SETX: variants seen among roughly 807,000 people sequenced by gnomAD.
The protein encoded by SETX is helicase senataxin.
A neutral mutation model predicts 227.2 loss-of-function variants in SETX; 90 were observed. That is an observed-to-expected ratio of 0.40 (90% confidence interval 0.33 to 0.47). The LOEUF is 0.47. Among genes scored for constraint, SETX ranks in the 20% least tolerant of loss-of-function variants. The pLI is 0.91. For missense variants in SETX, 3,052 were observed against 3,181.5 expected, an observed-to-expected ratio of 0.96 and a Z score of 0.98; for synonymous variants, 1,210 against 1,113.2, an observed-to-expected ratio of 1.09 and a Z score of -1.73.
At chr9:132,351,326 T>C (rs946848218) in intron 2 of SETX, among the ~76,000 whole-genome samples, 6 of 152,228 alleles carry the variant, frequency 3.9e-5, no homozygotes, top group African/African-American at 1.4e-4. Flanking sequence ...GCAAATAAAA[T>C]GTTGCATACT....
chr9:132,312,644 G>A (rs1456180778), intron 10 of SETX, among the ~76,000 whole-genome samples: 1 of 152,194 alleles, frequency 6.6e-6, no homozygotes, highest in East Asian at 1.9e-4. Context: ...CAAGGGTTAT[G>A]CTATGGACAG....
rs779665311 is a variant in SETX, at chr9:132,327,099, T to C, written c.4499A>G (p.Gln1500Arg). Residue 1500 changes from glutamine (Q) to arginine (R), a missense_variant, in exon 10 of 26, where the codon CAA becomes CGA. Coordinates refer to ENST00000224140, the MANE Select transcript of SETX (RefSeq NM_015046.7). Reference sequence around the variant, plus strand: ...TAAATCCATATCTTCAGGATCATTTTGGGTTAAAAATAAGTTATCTTCCTC... The same window carrying C: ...TAAATCCATATCTTCAGGATCATTTCGGGTTAAAAATAAGTTATCTTCCTC... ...DAEEDNLFLT[Q>R]NDPEDMDLCS... 1 of 1,614,228 alleles carries C rather than the reference T, an allele frequency of 6.2e-7. No homozygotes were observed. The highest frequency in any genetic ancestry group is 1.1e-5 in the South Asian group (1 of 91,090).
intron 10 of SETX, among the ~76,000 whole-genome samples, chr9:132,313,670 T>C (rs1285124348): frequency 1.3e-5 from 2 of 152,142 alleles, no homozygotes; most frequent in East Asian, 3.8e-4. Context: ...GAGCTAGTAG[T>C]TTCACACTAA....
intron 20 of SETX, among the ~76,000 whole-genome samples, chr9:132,279,846 T>C (rs1843398054): frequency 6.6e-6 from 1 of 152,130 alleles, no homozygotes; most frequent in Non-Finnish European, 1.5e-5. Context: ...CATGGGAGGA[T>C]GTCCCTGATT....
chr9:132,355,374 T>G (rs1564173753), upstream of SETX, among the ~76,000 whole-genome samples: 1 of 152,224 alleles, frequency 6.6e-6, no homozygotes, highest in Non-Finnish European at 1.5e-5. Context: ...CTCAGGTGTC[T>G]CAGCGGATGT....
At chr9:132,346,204 C>A in intron 4 of SETX, 57 bp downstream of exon 4, 1 of 1,405,490 alleles carries the variant, frequency 7.1e-7, no homozygotes, top group South Asian at 1.2e-5. Context: ...AGCCTAAATT[C>A]TTATGGTACT....
chr9:132,351,851 G>T (rs1721744369), intron 2 of SETX, among the ~76,000 whole-genome samples: 1 of 152,122 alleles, frequency 6.6e-6, no homozygotes, highest in African/African-American at 2.4e-5. Context: ...AATGACAAAT[G>T]GGTGTGTCCA....
intron 10 of SETX, among the ~76,000 whole-genome samples, chr9:132,319,557 G>A (rs889607488): frequency 2.6e-5 from 4 of 151,980 alleles, no homozygotes; most frequent in East Asian, 1.9e-4. Flanking sequence ...CTCTTTCTTC[G>A]TTAAGACTCA....
In SETX at chr9:132,288,720, A is replaced by C. The variant is rs2274563; in HGVS notation, c.6107-69T>G. On this transcript the variant is annotated intron_variant, in intron 15 of 25. Transcript: ENST00000224140. ...GATCAATCCTGTCTCTATACATAGTATCTATATTTCTAAGTAAATATGTTA... is the reference window on the plus strand; with the variant it reads ...GATCAATCCTGTCTCTATACATAGTCTCTATATTTCTAAGTAAATATGTTA... 51,060 of 995,216 alleles carry C rather than the reference A, an allele frequency of 0.051. 2,317 individuals carry two copies. Among genetic ancestry groups the C allele is most frequent in the East Asian group, 0.25 (10,032 of 40,738 alleles). 61.6% of individuals were successfully genotyped at this position (995,216 alleles called of 1,614,324 possible). A position where few individuals can be genotyped will look rare whatever the true frequency, so the allele number is the denominator to read the frequency against.
At chr9:132,315,387 C>G (rs1362901702) in intron 10 of SETX, among the ~76,000 whole-genome samples, 2 of 152,136 alleles carry the variant, frequency 1.3e-5, no homozygotes, top group Non-Finnish European at 2.9e-5. Flanking sequence ...CCTTTCAATA[C>G]AAAAGTCTAA....
chr9:132,326,177 C>G (rs571699708), intron 10 of SETX, 147 bp downstream of exon 10: 52 of 679,934 alleles, frequency 7.6e-5, no homozygotes, highest in Middle Eastern at 3.9e-4. Context: ...AAGCAATTCT[C>G]TGCCTCAGCC....
chr9:132,335,241 A>C (rs1037627289), intron 6 of SETX, among the ~76,000 whole-genome samples: 7 of 151,494 alleles, frequency 4.6e-5, no homozygotes, highest in Non-Finnish European at 7.4e-5. Context: ...ATACAAAAAA[A>C]TTAGCCAGGC....
intron 6 of SETX, among the ~76,000 whole-genome samples, chr9:132,335,185 TC>T (rs901460441): frequency 8.6e-5 from 13 of 151,532 alleles, no homozygotes; most frequent in Admixed American, 2.0e-4. Flanking sequence ...AGTCAGGAGA[TC>T]GAGACCATCC....
chr9:132,339,924 G>T (rs1465468344), intron 5 of SETX, among the ~76,000 whole-genome samples: 1 of 152,068 alleles, frequency 6.6e-6, no homozygotes, highest in Non-Finnish European at 1.5e-5. Flanking sequence ...CATATCTCCG[G>T]TATTTCTTTG....
chr9:132,336,868 A>G (rs1564557259), intron 5 of SETX, among the ~76,000 whole-genome samples: 1 of 152,260 alleles, frequency 6.6e-6, no homozygotes, highest in East Asian at 1.9e-4. Context: ...GTTCAAGACC[A>G]GCCTCGCCAA....
At position 132,277,163 on chromosome 9, in the gene SETX, A is replaced by C; in HGVS notation, c.6843-11T>G. ...ATGGCTTCTGTCTGTCTGTAAAAAA[A>C]AAAAAGCAGTCAACATTCAGAATAA... On this transcript the variant is annotated splice_polypyrimidine_tract_variant and intron_variant, in intron 21 of 25. Transcript: ENST00000224140. 1.2e-6 allele frequency: 2 copies of C among 1,610,212 alleles called. No individual in the cohort carries two copies. Among genetic ancestry groups the C allele is most frequent in the Non-Finnish European group, 1.7e-6 (2 of 1,178,618 alleles).
At chr9:132,318,646 G>A (rs1231828445) in intron 10 of SETX, among the ~76,000 whole-genome samples, 4 of 152,112 alleles carry the variant, frequency 2.6e-5, no homozygotes, top group Admixed American at 2.6e-4. Flanking sequence ...CTAGGGATGG[G>A]AGGGAACAAG....
At chr9:132,323,399 C>T (rs1000224845) in intron 10 of SETX, among the ~76,000 whole-genome samples, 2 of 152,116 alleles carry the variant, frequency 1.3e-5, no homozygotes, top group Admixed American at 1.3e-4. Flanking sequence ...TTACAGCATA[C>T]TACATGGCTT....
chr9:132,268,406 T>C (rs1245544037), intron 25 of SETX, among the ~76,000 whole-genome samples: 1 of 152,078 alleles, frequency 6.6e-6, no homozygotes, highest in Non-Finnish European at 1.5e-5. Flanking sequence ...GAGGCTGAGG[T>C]GGGAGAACGG....
Sources: allele counts gnomAD v4.1 joint callset (sites outside exome capture counted in the v4.1 genomes callset), GRCh38; gene constraint gnomAD v4.1.1; transcripts MANE v1.5; gene names NCBI Gene and HGNC (gene_info 2026-07-23, HGNC 2026-07-21).